DOCK4: variants seen among roughly 807,000 people sequenced by gnomAD.
The protein encoded by DOCK4 is dedicator of cytokinesis protein 4.
DOCK4 carries 97 observed loss-of-function variants against 268.1 expected under a neutral mutation model. That is an observed-to-expected ratio of 0.36 (90% CI 0.31 to 0.43). The LOEUF (loss-of-function observed/expected upper bound fraction) is 0.43, where lower values mean the gene tolerates loss of function less well. Among genes scored for constraint, DOCK4 ranks in the 20% least tolerant of loss-of-function variants. DOCK4 has a pLI of 1.00. For missense variants in DOCK4, 2,145 were observed against 2,455.7 expected (o/e 0.87, Z 2.67); for synonymous variants, 954 against 887.2 (o/e 1.08, Z -1.34).
rs199775424 is a variant in DOCK4, at chr7:111,790,596, T to C, written c.3176A>G (p.Lys1059Arg). The C allele has an allele frequency of 1.1e-4, 184 of 1,612,182 alleles. 2 individuals are homozygous for C. Among genetic ancestry groups the C allele is most frequent in the Admixed American group, 3.4e-4 (20 of 59,612 alleles). The change falls in exon 31 of 53, where the codon AAG becomes AGG. Residue 1059 changes from lysine (K) to arginine (R), a missense_variant. Physicochemically the swap from Lys to Arg is conservative, Grantham distance 26. This residue lies in a region of DOCK4 where 1,598 missense variants were observed against 1,986.7 expected (regional missense o/e 0.80). Transcript: ENST00000428084. ...AATCAGGGCAGGGATAAAATGAAGC[T>C]TGTGCTCTCCTAAAGTGAGAAAAAT... ...FSMWQNLGEHKLHFIPALIGP... is the reference protein window; with the variant it reads ...FSMWQNLGEHRLHFIPALIGP...
At chr7:111,791,363 T>C (rs1799533159) in intron 30 of DOCK4, among the ~76,000 whole-genome samples, 1 of 150,872 alleles carries the variant, frequency 6.6e-6, no homozygotes, top group South Asian at 2.1e-4. Flanking sequence ...TATCTCTGGA[T>C]GGTGAGATTA....
chr7:111,942,848 C>A (rs1795319322), intron 10 of DOCK4, among the ~76,000 whole-genome samples: 1 of 152,206 alleles, frequency 6.6e-6, no homozygotes, highest in Non-Finnish European at 1.5e-5. Flanking sequence ...TTCCCCTCCC[C>A]TGTCCAGGTG....
At chr7:112,182,017 G>A (rs138817387) in intron 1 of DOCK4, among the ~76,000 whole-genome samples, 1 of 152,292 alleles carries the variant, frequency 6.6e-6, no homozygotes, top group East Asian at 1.9e-4. Context: ...AGCAAATGCT[G>A]TCAAGTATAA....
rs149197579 is a variant in DOCK4 at position 111,790,470 on chromosome 7, C to T, written c.3302G>A (p.Gly1101Asp). The change falls in exon 31 of 53, where the codon GGC becomes GAC. Residue 1101 changes from glycine to aspartate, a missense_variant. By Grantham distance (94) the Gly-to-Asp change is moderately conservative (BLOSUM62 -1). Around this residue, in one of 2 missense-constraint regions of DOCK4, gnomAD observed 1,598 missense variants for 1,986.7 expected, o/e 0.80. Transcript: ENST00000428084. Reference sequence around the variant, plus strand: ...ACTTCTGCCTACCTGTTTAAAGTTGCCACTCCGCCTCTGCTCCCAGTCCAT... The same window carrying T: ...ACTTCTGCCTACCTGTTTAAAGTTGTCACTCCGCCTCTGCTCCCAGTCCAT... ...DMMDWEQRRSGNFKQVEAKLI... is the reference protein window; with the variant it reads ...DMMDWEQRRSDNFKQVEAKLI... 13 of 1,613,688 alleles carry T rather than the reference C, an allele frequency of 8.1e-6. No individual in the cohort carries two copies. The highest frequency in any genetic ancestry group is 2.2e-5 in the East Asian group (1 of 44,850).
chr7:112,115,478 C>T (rs2115782587), intron 1 of DOCK4, among the ~76,000 whole-genome samples: 1 of 152,306 alleles, frequency 6.6e-6, no homozygotes. Context: ...GTCTTGCAGT[C>T]TGACTATTGT....
chr7:112,036,519 C>T (rs548154740), intron 1 of DOCK4, among the ~76,000 whole-genome samples: 1 of 152,214 alleles, frequency 6.6e-6, no homozygotes, highest in South Asian at 2.1e-4. Flanking sequence ...ACTAAAATGT[C>T]TAAATTTCAT....
intron 5 of DOCK4, among the ~76,000 whole-genome samples, chr7:111,989,505 G>A (rs1799346672): frequency 6.6e-6 from 1 of 152,154 alleles, no homozygotes; most frequent in African/African-American, 2.4e-5. Flanking sequence ...AATCTTCCCT[G>A]ATCACTTTTG....
intron 1 of DOCK4, among the ~76,000 whole-genome samples, chr7:112,162,274 C>A (rs1252680596): frequency 6.6e-6 from 1 of 152,050 alleles, no homozygotes; most frequent in Non-Finnish European, 1.5e-5. Flanking sequence ...GCACTCCTCC[C>A]CTGCAGAGCC....
At chr7:112,086,724 C>T (rs773469143) in intron 1 of DOCK4, among the ~76,000 whole-genome samples, 2 of 152,114 alleles carry the variant, frequency 1.3e-5, no homozygotes, top group African/African-American at 4.8e-5. Flanking sequence ...CACATCTAAC[C>T]GATTCTGACA....
chr7:111,885,931 A>G (rs940004456), intron 16 of DOCK4, among the ~76,000 whole-genome samples: 1 of 152,176 alleles, frequency 6.6e-6, no homozygotes, highest in South Asian at 2.1e-4. Context: ...CTTTCTCTGG[A>G]ATAAAAATCA....
intron 1 of DOCK4, among the ~76,000 whole-genome samples, chr7:112,061,649 T>C (rs1347817918): frequency 6.6e-6 from 1 of 152,038 alleles, no homozygotes; most frequent in Non-Finnish European, 1.5e-5. Context: ...CAATTTTTCC[T>C]TTAAAAAGAA....
intron 39 of DOCK4, 64 bp downstream of exon 39, chr7:111,765,054 A>C (rs3213631): frequency 1.4e-6 from 1 of 732,280 alleles, no homozygotes; most frequent in African/African-American, 1.9e-5. Context: ...TTAACATCTT[A>C]GTTTTCTTGA....
chr7:112,176,025 G>A (rs1426975683), intron 1 of DOCK4, among the ~76,000 whole-genome samples: 2 of 152,142 alleles, frequency 1.3e-5, no homozygotes, highest in Non-Finnish European at 2.9e-5. Context: ...ATAAAGAATT[G>A]GATGCCACCT....
chr7:111,914,692 T>C (rs1792439841), intron 13 of DOCK4, among the ~76,000 whole-genome samples: 1 of 152,148 alleles, frequency 6.6e-6, no homozygotes, highest in Non-Finnish European at 1.5e-5. Context: ...CAAATCTCCA[T>C]CTCTCCACCC....
chr7:112,119,336 C>T (rs1812485563), intron 1 of DOCK4, among the ~76,000 whole-genome samples: 1 of 152,118 alleles, frequency 6.6e-6, no homozygotes, highest in African/African-American at 2.4e-5. Flanking sequence ...CCCCACCAGT[C>T]CAGGCAGTAG....
At chr7:112,204,811 G>A (rs1454443104) in intron 1 of DOCK4, among the ~76,000 whole-genome samples, 2 of 151,184 alleles carry the variant, frequency 1.3e-5, no homozygotes, top group Non-Finnish European at 2.9e-5. Context: ...TTAAATTGCA[G>A]GAAAATGAAT....
At chr7:112,066,390 G>GT (rs1356966849) in intron 1 of DOCK4, among the ~76,000 whole-genome samples, 1 of 151,438 alleles carries the variant, frequency 6.6e-6, no homozygotes, top group African/African-American at 2.4e-5. Flanking sequence ...GGCTTACCTG[G>GT]TTTTCCAGCT....
At position 111,989,077 on chromosome 7, in the gene DOCK4, G is replaced by A; in HGVS notation, c.402C>T (p.Leu134=). 2 of 1,614,008 alleles carry A rather than the reference G, an allele frequency of 1.2e-6. No homozygotes were observed. The highest frequency in any genetic ancestry group is 1.7e-6 in the Non-Finnish European group (2 of 1,179,888). The change falls in exon 6 of 53, where the codon CTC becomes CTT. Residue 134 remains leucine (L), a synonymous_variant. Transcript: ENST00000428084. ...TCACGTCCTTCATCCGGTCGTGGGT[G>A]AGGTGGCCCACCAGCACCTGCCGCC... ...DLRRQVLVGH[L]THDRMKDVKR...
rs776335105 is a variant in DOCK4, at chr7:111,844,861, C to A, written c.2638G>T (p.Ala880Ser). Residue 880 changes from alanine to serine, a missense_variant, in exon 25 of 53, where the codon GCC (alanine) becomes TCC (serine). Ala to Ser is a moderately conservative substitution (Grantham distance 99, BLOSUM62 1). Coordinates refer to ENST00000428084, the MANE Select transcript of DOCK4 (RefSeq NM_001363540.2). ...SVLEEIDVIV[A>S]SLLDILLRTI... ...CTCAGCAGAATATCCAGCAAGCTGG[C>A]CACTATCACATCTATTTCCTCCAGC... 1 of 1,613,230 alleles carries A rather than the reference C, an allele frequency of 6.2e-7. No homozygotes were observed. Among genetic ancestry groups the A allele is most frequent in the Non-Finnish European group, 8.5e-7 (1 of 1,179,508 alleles).
Sources: gnomAD v4.1 joint callset for allele counts (sites outside exome capture counted in the v4.1 genomes callset) on GRCh38, gnomAD v4.1.1 for gene constraint, gnomAD v4.1.1 regional missense constraint, MANE v1.5 for transcripts, NCBI Gene and HGNC (gene_info 2026-07-23, HGNC 2026-07-21) for gene names.